Variants in TOP2B observed in about 807,000 individuals in gnomAD.
TOP2B encodes DNA topoisomerase II beta.
Under a neutral mutation model 193.5 loss-of-function variants are expected in TOP2B, and 51 were observed. The ratio of observed to expected loss-of-function variants is 0.26; its 90% CI spans 0.21 to 0.33. The LOEUF is 0.33. TOP2B is among the 10% of genes least tolerant of loss of function. The pLI, the probability that TOP2B is intolerant of heterozygous loss-of-function variation, is 1.00. For missense variants in TOP2B, 1,378 were observed against 1,909.3 expected, an observed-to-expected ratio of 0.72 and a Z score of 5.19; for synonymous variants, 634 against 635.7, an observed-to-expected ratio of 1.00 and a Z score of 0.04.
At chr3:25,630,679 G>T in intron 11 of TOP2B, 122 bp downstream of exon 11, 1 of 1,022,060 alleles carries the variant, frequency 9.8e-7, no homozygotes, top group Middle Eastern at 3.3e-4. Flanking sequence ...TAATTTCAAT[G>T]AAGTAAAATC....
intron 1 of TOP2B, among the ~76,000 whole-genome samples, chr3:25,650,120 T>C (rs1257666498): frequency 1.3e-5 from 2 of 152,212 alleles, no homozygotes; most frequent in African/African-American, 4.8e-5. Flanking sequence ...TGCCTAATTA[T>C]TTATCATCAA....
intron 33 of TOP2B, among the ~76,000 whole-genome samples, chr3:25,601,754 G>A (rs1702101514): frequency 6.6e-6 from 1 of 152,026 alleles, no homozygotes. Context: ...ATACAATTAA[G>A]ACATTTTAAG....
chr3:25,601,299 T>A (rs1702088201), intron 33 of TOP2B, 74 bp from the exon 34 acceptor site: 1 of 1,497,006 alleles, frequency 6.7e-7, no homozygotes, highest in South Asian at 1.3e-5. Context: ...CCTATATAAA[T>A]GGAATTTCTT....
intron 30 of TOP2B, 110 bp from the exon 31 acceptor site, chr3:25,607,485 C>T (rs1702264136): frequency 7.6e-7 from 1 of 1,322,574 alleles, no homozygotes; most frequent in African/African-American, 1.5e-5. Context: ...TCTAAAAATA[C>T]CATAAGAAAT....
intron 28 of TOP2B, 31 bp from the exon 29 acceptor site, chr3:25,609,743 G>A: frequency 7.1e-7 from 1 of 1,417,732 alleles, no homozygotes; most frequent in Non-Finnish European, 9.2e-7. Context: ...CAAGCCACGA[G>A]TAAAAATAAA....
intron 1 of TOP2B, among the ~76,000 whole-genome samples, chr3:25,646,975 C>T (rs1174806075): frequency 1.3e-5 from 2 of 152,084 alleles, no homozygotes; most frequent in Non-Finnish European, 2.9e-5. Flanking sequence ...TATTCTTATA[C>T]ATTCCTACAT....
At chr3:25,641,943 T>G (rs1016443360) in intron 4 of TOP2B, among the ~76,000 whole-genome samples, 1 of 152,140 alleles carries the variant, frequency 6.6e-6, no homozygotes, top group African/African-American at 2.4e-5. Context: ...TCTATTAAAT[T>G]ATGTCATAAA....
rs766567069 is a variant in TOP2B at position 25,598,329 on chromosome 3, ACAT to A, written c.4856_4858del (p.Asp1619del). 3.1e-6 allele frequency: 5 copies of A among 1,610,048 alleles called. No homozygotes were observed. The highest frequency in any genetic ancestry group is 4.2e-6 in the Non-Finnish European group (5 of 1,178,102). The stretch of plus-strand genomic sequence containing the variant: ...CACTTAATTAAACATTGCAAAATCA[ACAT>A]CATCTTCTTCTTCATCAGACTCTGC... On this transcript the variant is annotated inframe_deletion, in exon 36 of 36. Transcript: ENST00000264331.
chr3:25,635,769 C>T (rs1292625102), intron 7 of TOP2B, among the ~76,000 whole-genome samples, 167 bp downstream of exon 7: 3 of 152,000 alleles, frequency 2.0e-5, no homozygotes, highest in Admixed American at 6.6e-5. Flanking sequence ...AAGACAGAAG[C>T]ATTATTTGAA....
At chr3:25,617,882 A>C (rs929935598) in intron 25 of TOP2B, among the ~76,000 whole-genome samples, 7 of 152,188 alleles carry the variant, frequency 4.6e-5, no homozygotes, top group Non-Finnish European at 5.9e-5. Flanking sequence ...TCAGACTTTT[A>C]ATCTGAAGTT....
At position 25,618,713 on chromosome 3, in the gene TOP2B, G is replaced by T. The variant is rs1377585498; in HGVS notation, c.3200C>A (p.Thr1067Lys). Residue 1067 changes from threonine to lysine, a missense_variant, in exon 24 of 36, where the codon ACA becomes AAA. Thr to Lys is a moderately conservative substitution (Grantham distance 78). Transcript: ENST00000264331. ...GAAACGGGCTTGATTGTTAAGCTTTGTAGATTCTGCTCCCAACATTCCCAC... is the reference window on the plus strand; with the variant it reads ...GAAACGGGCTTGATTGTTAAGCTTTTTAGATTCTGCTCCCAACATTCCCAC... Reference protein sequence around the residue: ...WLVGMLGAESTKLNNQARFIL... With the variant: ...WLVGMLGAESKKLNNQARFIL... 6.2e-7 allele frequency: 1 copy of T among 1,613,038 alleles called. No homozygotes were observed. Among genetic ancestry groups the T allele is most frequent in the African/African-American group, 1.3e-5 (1 of 74,796 alleles).
At chr3:25,602,826 TG>T (rs1702143172) in intron 33 of TOP2B, among the ~76,000 whole-genome samples, 1 of 152,248 alleles carries the variant, frequency 6.6e-6, no homozygotes, top group Non-Finnish European at 1.5e-5. Context: ...TGTAAACTAT[TG>T]GAACTACAGA....
At chr3:25,655,751 A>C (rs1316515866) in intron 1 of TOP2B, among the ~76,000 whole-genome samples, 2 of 152,236 alleles carry the variant, frequency 1.3e-5, no homozygotes, top group Non-Finnish European at 2.9e-5. Flanking sequence ...AACCTCAAGG[A>C]TATTATGCTA....
chr3:25,624,456 G>A lies in TOP2B; in HGVS notation c.2347-11C>T. 6.2e-7 allele frequency: 1 copy of A among 1,609,524 alleles called. No individual in the cohort carries two copies. Among genetic ancestry groups the A allele is most frequent in the Non-Finnish European group, 8.5e-7 (1 of 1,178,284 alleles). On this transcript the variant is annotated splice_polypyrimidine_tract_variant and intron_variant, in intron 19 of 35. Coordinates refer to ENST00000264331, the MANE Select transcript of TOP2B (RefSeq NM_001330700.2). ...CATCATCAATGCTTGCTATACAACA[G>A]AAGAAGGCAGAACATAACATTAATA... is the stretch of plus-strand genomic sequence containing the variant.
intron 25 of TOP2B, 51 bp downstream of exon 25, chr3:25,618,367 G>T: frequency 7.3e-7 from 1 of 1,377,956 alleles, no homozygotes; most frequent in South Asian, 1.2e-5. Flanking sequence ...TGTTTGTTTT[G>T]GAAGTTGCTT....
Position 25,615,288 on chromosome 3 carries a change from C to T in TOP2B, c.3508G>A (p.Gly1170Arg), listed in dbSNP as rs749242036. ...EELIKQRDAK[G>R]REVNDLKRKS... is the part of the protein sequence containing the mutation. ...CTTTTAAGATCATTGACCTCTCGCC[C>T]CTATAATAAAAAAGTACAGTTTAAA... Residue 1170 changes from glycine (G) to arginine (R), a missense_variant and splice_region_variant, in exon 27 of 36, where the codon GGG (glycine) becomes AGG (arginine). By Grantham distance (125) the Gly-to-Arg change is moderately radical (BLOSUM62 -2). Around this residue, in one of 9 missense-constraint regions of TOP2B, gnomAD observed 556 missense variants for 584.2 expected, o/e 0.95. Transcript: ENST00000264331. 4 of 1,605,656 alleles carry T rather than the reference C, an allele frequency of 2.5e-6. No homozygotes were observed. The Admixed American group carries it at 6.8e-5, about 27-fold the overall frequency.
In TOP2B at chr3:25,598,431, A is replaced by AAGATGTCCACATCT; in HGVS notation, c.4743_4756dup (p.Phe1586Ter). On this transcript the variant is annotated stop_gained and frameshift_variant, in exon 36 of 36. Transcript: ENST00000264331. LOFTEE classifies it high-confidence loss of function. ...TGGCTCAGTAGGGAAGTCTGAGGGG[A>AAGATGTCCACATCT]AGATGTCCACATCTGAATCCTGATC... The AAGATGTCCACATCT allele has an allele frequency of 3.7e-6, 6 of 1,613,252 alleles. No homozygotes were observed. The highest frequency in any genetic ancestry group is 5.1e-6 in the Non-Finnish European group (6 of 1,179,488).
At position 25,624,437 on chromosome 3, in the gene TOP2B, C is replaced by A. The variant is rs372310695; in HGVS notation, c.2355G>T (p.Leu785Phe). The change falls in exon 20 of 36, where the codon TTG becomes TTT. Residue 785 changes from leucine (L) to phenylalanine (F), a missense_variant. Around this residue, in one of 9 missense-constraint regions of TOP2B, gnomAD observed 379 missense variants for 615.1 expected, o/e 0.62. Transcript: ENST00000264331. ...MSAYHHGEQA[L>F]MMTIVNLAQN... ...GAGCCAAATTCACAATAGTCATCAT[C>A]AATGCTTGCTATACAACAGAAGAAG... 1 of 1,613,694 alleles carries A rather than the reference C, an allele frequency of 6.2e-7. No individual in the cohort carries two copies. The highest frequency in any genetic ancestry group is 1.1e-5 in the South Asian group (1 of 91,046).
chr3:25,604,695 T>C, intron 33 of TOP2B, 65 bp downstream of exon 33: 1 of 1,291,882 alleles, frequency 7.7e-7, no homozygotes, highest in Non-Finnish European at 1.1e-6. Flanking sequence ...TCAAATTAAA[T>C]TACATTTCCT....
Sources: allele counts gnomAD v4.1 joint callset (sites outside exome capture counted in the v4.1 genomes callset), GRCh38; gene constraint gnomAD v4.1.1; regional missense constraint gnomAD v4.1.1; transcripts MANE v1.5; gene names NCBI Gene and HGNC (gene_info 2026-07-23, HGNC 2026-07-21).